The following FHIT variants were observed in gnomAD, a reference collection of about 807,000 sequenced individuals.
FHIT encodes the protein bis(5'-adenosyl)-triphosphatase.
FHIT carries 19 observed loss-of-function variants against 17.9 expected under a neutral mutation model. That is an observed-to-expected ratio of 1.06 (90% CI 0.74 to 1.56). The LOEUF is 1.56. Among genes scored for constraint, FHIT ranks in the 40% most tolerant of loss-of-function variants. FHIT has a pLI of 0.00. For missense variants in FHIT, 248 were observed against 189.2 expected (o/e 1.31, Z -1.82); for synonymous variants, 81 against 69.7 (o/e 1.16, Z -0.81).
chr3:61,200,767 G>T (rs2038986736), intron 1 of FHIT, 102 bp from the exon 2 acceptor site: 1 of 152,478 alleles, frequency 6.6e-6, no homozygotes, highest in Admixed American at 6.6e-5. Flanking sequence ...CATGGTATAT[G>T]GTGCTAGCCA....
chr3:59,997,494 G>A (rs1328016119), intron 7 of FHIT, among the ~76,000 whole-genome samples: 1 of 152,164 alleles, frequency 6.6e-6, no homozygotes, highest in African/African-American at 2.4e-5. Context: ...GTCGTTGCTG[G>A]AGGAATTTGA....
At chr3:61,146,777 CT>C (rs1201704662) in intron 2 of FHIT, among the ~76,000 whole-genome samples, 2 of 152,012 alleles carry the variant, frequency 1.3e-5, no homozygotes, top group Non-Finnish European at 2.9e-5. Context: ...AAAGAAACTA[CT>C]GTAGGAACTT....
At chr3:60,266,906 G>T (rs1706604493) in intron 5 of FHIT, among the ~76,000 whole-genome samples, 1 of 152,036 alleles carries the variant, frequency 6.6e-6, no homozygotes, top group African/African-American at 2.4e-5. Context: ...TAAAAAACAA[G>T]AAAATTATTA....
intron 5 of FHIT, among the ~76,000 whole-genome samples, chr3:60,293,640 G>T (rs192381479): frequency 4.0e-5 from 6 of 151,894 alleles, no homozygotes; most frequent in Non-Finnish European, 8.8e-5. Flanking sequence ...AAATGAAACG[G>T]TCCCTTGTTT....
At chr3:61,008,816 T>C (rs1413026594) in intron 3 of FHIT, among the ~76,000 whole-genome samples, 1 of 152,172 alleles carries the variant, frequency 6.6e-6, no homozygotes, top group African/African-American at 2.4e-5. Flanking sequence ...CCCTCCATAG[T>C]GCATTCTGAT....
chr3:60,375,819 T>C (rs186237426), intron 5 of FHIT, among the ~76,000 whole-genome samples: 2 of 152,168 alleles, frequency 1.3e-5, no homozygotes, highest in African/African-American at 2.4e-5. Context: ...CCAGATCCTA[T>C]AGATGCAATG....
chr3:60,917,235 C>A (rs563725530), intron 3 of FHIT, among the ~76,000 whole-genome samples: 2 of 152,306 alleles, frequency 1.3e-5, no homozygotes, highest in Admixed American at 6.5e-5. Flanking sequence ...AGGAATGACA[C>A]AGTTGCTCTG....
intron 8 of FHIT, among the ~76,000 whole-genome samples, chr3:59,867,383 A>G (rs769811679): frequency 3.3e-4 from 50 of 151,890 alleles, no homozygotes; most frequent in Non-Finnish European, 6.2e-4. Context: ...CATTACAGTG[A>G]AAGTAATTTA....
chr3:61,177,153 G>A (rs2038183123), intron 2 of FHIT, among the ~76,000 whole-genome samples: 1 of 148,550 alleles, frequency 6.7e-6, no homozygotes, highest in African/African-American at 2.5e-5. Context: ...CTTCAGCCTG[G>A]GCGACAGAGT....
intron 5 of FHIT, among the ~76,000 whole-genome samples, chr3:60,348,680 T>C (rs534489048): frequency 2.6e-5 from 4 of 152,210 alleles, no homozygotes; most frequent in Non-Finnish European, 5.9e-5. Flanking sequence ...TAATTTGCAA[T>C]GTCTTCCCAC....
chr3:60,472,280 C>T (rs748725043), intron 5 of FHIT, among the ~76,000 whole-genome samples: 2 of 152,006 alleles, frequency 1.3e-5, no homozygotes, highest in African/African-American at 2.4e-5. Context: ...TTACTTCGAA[C>T]TGTATGCCCA....
chr3:61,224,843 A>T (rs1261690098), intron 1 of FHIT, among the ~76,000 whole-genome samples: 1 of 152,352 alleles, frequency 6.6e-6, no homozygotes, highest in Non-Finnish European at 1.5e-5. Flanking sequence ...ATATACATAC[A>T]GTGTGGATGG....
At chr3:60,549,252 A>G (rs2036468286) in intron 4 of FHIT, among the ~76,000 whole-genome samples, 3 of 152,218 alleles carry the variant, frequency 2.0e-5, no homozygotes, top group Admixed American at 1.3e-4. Context: ...TACTGCCATT[A>G]GGTGACTACT....
chr3:60,029,879 T>TTGTGTGTGTGTG (rs746113510), intron 5 of FHIT, among the ~76,000 whole-genome samples: 28,195 of 131,108 alleles, frequency 0.22, 3,274 homozygotes, highest in East Asian at 0.43. Flanking sequence ...CATAGAAGCA[T>TTGTGTGTGTGTG]TGTGTGTGTG....
At chr3:60,619,600 CAAAAAAAAAAAAA>C (rs57198487) in intron 4 of FHIT, among the ~76,000 whole-genome samples, 13,563 of 89,076 alleles carry the variant, frequency 0.15, 853 homozygotes, top group Middle Eastern at 0.3. Flanking sequence ...TACCCACATG[CAAAAAAAAAAAAA>C]AAAAAAAAAA....
chr3:59,954,891 C>T (rs1575760161), intron 7 of FHIT, among the ~76,000 whole-genome samples: 2 of 152,160 alleles, frequency 1.3e-5, no homozygotes. Flanking sequence ...AGAACTGTTC[C>T]AGAAGGTAAT....
chr3:60,774,298 T>G (rs534980340), intron 4 of FHIT, among the ~76,000 whole-genome samples: 119 of 152,246 alleles, frequency 7.8e-4, no homozygotes, highest in African/African-American at 2.7e-3. Context: ...ATGATAAAAT[T>G]TAATTAATTT....
intron 5 of FHIT, among the ~76,000 whole-genome samples, chr3:60,282,888 A>G (rs1030770200): frequency 2.0e-5 from 3 of 152,280 alleles, no homozygotes; most frequent in African/African-American, 7.2e-5. Flanking sequence ...TATGGCTGCT[A>G]AGATATCAGC....
chr3:60,195,761 G>C, intron 5 of FHIT, among the ~76,000 whole-genome samples: 1 of 150,774 alleles, frequency 6.6e-6, no homozygotes, highest in Non-Finnish European at 1.5e-5. Flanking sequence ...TATTCTAAGT[G>C]ACGTAACTCA....
Sources: gnomAD v4.1 joint callset for allele counts (sites outside exome capture counted in the v4.1 genomes callset) on GRCh38, gnomAD v4.1.1 for gene constraint, MANE v1.5 for transcripts, NCBI Gene and HGNC (gene_info 2026-07-23, HGNC 2026-07-21) for gene names.